GPC3: variants seen among roughly 807,000 people sequenced by gnomAD.
GPC3 encodes glypican 3, also known as glypican-3.
In GPC3, 3 loss-of-function variants were observed where a neutral mutation model predicts 34.4. The ratio of observed to expected loss-of-function variants is 0.09; its 90% CI spans 0.04 to 0.23. The LOEUF (loss-of-function observed/expected upper bound fraction) is 0.23. GPC3 is among the 10% of genes least tolerant of loss of function. GPC3 has a pLI of 1.00. For missense variants in GPC3, 351 were observed against 445.6 expected, an observed-to-expected ratio of 0.79 and a Z score of 1.91; for synonymous variants, 177 against 174.0, an observed-to-expected ratio of 1.02 and a Z score of -0.13.
chrX:133,705,726 TGGA>T (rs2071210045), intron 3 of GPC3, among the ~76,000 whole-genome samples: 1 of 112,141 alleles, frequency 8.9e-6, no homozygotes, highest in African/African-American at 3.2e-5. Context: ...TACCTATAAT[TGGA>T]GGACAGTAAT....
At position 133,738,323 on chromosome X, in the gene GPC3, T is replaced by C. The variant is rs746395565; in HGVS notation, c.1032+15159A>G. On this transcript the variant is annotated intron_variant, in intron 3 of 7. Transcript: ENST00000370818. ...TAAACTCCCTTCACTCCCACTGTCA[T>C]TGCTTTCTCCCTTTCCTTCCATCAA... is the stretch of plus-strand genomic sequence containing the variant. 3.6e-5 allele frequency among the ~76,000 whole-genome samples: 4 copies of C among 111,727 alleles called. No homozygotes were observed. The South Asian group carries it at 1.5e-3, about 43-fold the overall frequency.
chrX:133,971,164 A>T, intron 1 of GPC3, among the ~76,000 whole-genome samples: 1 of 112,258 alleles, frequency 8.9e-6, no homozygotes, highest in Non-Finnish European at 1.9e-5. Context: ...CAAAGATGCA[A>T]TTTTCATTTA....
chrX:133,976,444 T>C (rs1416649207), intron 1 of GPC3, among the ~76,000 whole-genome samples: 1 of 112,027 alleles, frequency 8.9e-6, no homozygotes, highest in Non-Finnish European at 1.9e-5. Context: ...TTCAAACAGT[T>C]TAAATAACAG....
Position 133,681,759 on chromosome X carries a change from G to T in GPC3, c.1292+10610C>A, listed in dbSNP as rs145841326. ...CCTTTCCCTGTGCTTCACACTCCAAGTCCCAAGAGTCCACTTTCACTGATG... is the reference window on the plus strand; with the variant it reads ...CCTTTCCCTGTGCTTCACACTCCAATTCCCAAGAGTCCACTTTCACTGATG... On this transcript the variant is annotated intron_variant, in intron 5 of 7. Transcript: ENST00000370818. 6.5e-3 allele frequency among the ~76,000 whole-genome samples: 730 copies of T among 112,057 alleles called. 6 individuals carry two copies. The highest frequency in any genetic ancestry group is 0.028 in the Middle Eastern group (6 of 218).
intron 7 of GPC3, among the ~76,000 whole-genome samples, chrX:133,560,816 A>G (rs1431889758): frequency 8.9e-6 from 1 of 111,817 alleles, no homozygotes; most frequent in East Asian, 2.8e-4. Flanking sequence ...ATTATTATTT[A>G]CCAATTAAAA....
At chrX:133,965,364 A>G (rs1264451569) in intron 1 of GPC3, among the ~76,000 whole-genome samples, 5 of 110,613 alleles carry the variant, frequency 4.5e-5, no homozygotes, top group Admixed American at 9.6e-5. Context: ...GAGAGGTGTC[A>G]ATCCTCCTGG....
At chrX:133,756,061 G>A (rs927430941) in intron 2 of GPC3, among the ~76,000 whole-genome samples, 16 of 112,347 alleles carry the variant, frequency 1.4e-4, no homozygotes, top group African/African-American at 4.5e-4. Flanking sequence ...GTATTCACAA[G>A]CTATATGGTT....
Position 133,540,418 on chromosome X carries a change from C to T in GPC3, c.1574-4125G>A, listed in dbSNP as rs149677421. Among the ~76,000 whole-genome samples, 954 of 112,236 alleles carry T rather than the reference C, an allele frequency of 8.5e-3. 11 individuals carry two copies. Among genetic ancestry groups the T allele is most frequent in the African/African-American group, 0.028 (864 of 30,911 alleles). On this transcript the variant is annotated intron_variant, in intron 7 of 7. Transcript: ENST00000370818. ...TCTTTTGCAGCAACTTGGATGGAGC[C>T]GGAGGCCATTATTCTAAGGGAAGTA...
chrX:133,876,316 A>T (rs771315162), intron 2 of GPC3, among the ~76,000 whole-genome samples: 1 of 112,105 alleles, frequency 8.9e-6, no homozygotes. Flanking sequence ...TCCCAAAGGC[A>T]TATCAGGATA....
chrX:133,892,592 T>C (rs922443573), intron 2 of GPC3, among the ~76,000 whole-genome samples: 1 of 110,972 alleles, frequency 9.0e-6, no homozygotes, highest in African/African-American at 3.3e-5. Context: ...TTTTTGTTTT[T>C]TGTTTTTTTT....
intron 2 of GPC3, among the ~76,000 whole-genome samples, chrX:133,759,791 A>G (rs1265030496): frequency 1.8e-5 from 2 of 111,838 alleles, no homozygotes; most frequent in African/African-American, 6.5e-5. Flanking sequence ...GCAGAAAAAC[A>G]TCCATTCTGC....
chrX:133,815,398 C>T (rs915323162), intron 2 of GPC3, among the ~76,000 whole-genome samples: 1 of 110,741 alleles, frequency 9.0e-6, no homozygotes, highest in Non-Finnish European at 1.9e-5. Flanking sequence ...TCTTGTAGAA[C>T]TTATCCTTGC....
At chrX:133,816,519 T>C (rs2075692180) in intron 2 of GPC3, among the ~76,000 whole-genome samples, 1 of 112,159 alleles carries the variant, frequency 8.9e-6, no homozygotes, top group South Asian at 3.8e-4. Context: ...CTAAGTGCTT[T>C]TTACAAGCCA....
At chrX:133,542,605 G>A (rs962411848) in intron 7 of GPC3, among the ~76,000 whole-genome samples, 9 of 112,337 alleles carry the variant, frequency 8.0e-5, no homozygotes, top group Admixed American at 7.5e-4. Context: ...TTTCTTACTT[G>A]CCAAGCTTGC....
intron 2 of GPC3, among the ~76,000 whole-genome samples, chrX:133,790,206 T>G (rs1569433147): frequency 9.1e-6 from 1 of 110,070 alleles, no homozygotes; most frequent in Admixed American, 9.7e-5. Context: ...AGAGAGAGAA[T>G]GAGAAACAAT....
Position 133,948,203 on chromosome X carries a change from G to A in GPC3, c.337+4847C>T, listed in dbSNP as rs778275478. On this transcript the variant is annotated intron_variant, in intron 2 of 7. Coordinates refer to ENST00000370818, the MANE Select transcript of GPC3 (RefSeq NM_004484.4). ...AATTATTGAGTCACATATTAACTGT[G>A]AAGGAAAAAAGCTTTGCTTGAATAA... is the stretch of plus-strand genomic sequence containing the variant. Among the ~76,000 whole-genome samples the A allele has an allele frequency of 3.3e-4, 37 of 111,384 alleles. No individual in the cohort carries two copies. In the East Asian group the frequency reaches 9.9e-3, roughly 30 times the overall value.
intron 7 of GPC3, among the ~76,000 whole-genome samples, chrX:133,562,649 T>C (rs2069548553): frequency 9.0e-6 from 1 of 111,177 alleles, no homozygotes; most frequent in Non-Finnish European, 1.9e-5. Context: ...AAAAAAAGAA[T>C]AAATGACTTA....
intron 2 of GPC3, among the ~76,000 whole-genome samples, chrX:133,917,071 AGTT>A (rs1229605124): frequency 9.0e-6 from 1 of 111,696 alleles, no homozygotes; most frequent in Non-Finnish European, 1.9e-5. Context: ...TACGCTAAAG[AGTT>A]GTTGTGAGTT....
At chrX:133,949,519 T>C (rs745926018) in intron 2 of GPC3, among the ~76,000 whole-genome samples, 1 of 111,768 alleles carries the variant, frequency 8.9e-6, no homozygotes, top group African/African-American at 3.2e-5. Flanking sequence ...ACCACTATTT[T>C]TCCTTTCTGA....
Sources: gnomAD v4.1 joint callset for allele counts (sites outside exome capture counted in the v4.1 genomes callset) on GRCh38, gnomAD v4.1.1 for gene constraint, MANE v1.5 for transcripts, NCBI Gene and HGNC (gene_info 2026-07-23, HGNC 2026-07-21) for gene names.